The following CUEDC1 variants were observed in gnomAD, a reference collection of about 807,000 sequenced individuals.
The protein encoded by CUEDC1 is CUE domain-containing protein 1.
A neutral mutation model predicts 43.7 loss-of-function variants in CUEDC1; 30 were observed. The ratio of observed to expected loss-of-function variants is 0.69; its 90% CI spans 0.51 to 0.93. The LOEUF is 0.93. Ranked by LOEUF, CUEDC1 falls within the 40% of genes least tolerant of loss-of-function variation. The pLI, the probability that CUEDC1 is intolerant of heterozygous loss-of-function variation, is 0.00. For missense variants in CUEDC1, 486 were observed against 549.0 expected (o/e 0.89, Z 1.15); for synonymous variants, 223 against 223.6 (o/e 1.00, Z 0.02).
chr17:57,916,747 G>C (rs897241193), intron 1 of CUEDC1, among the ~76,000 whole-genome samples: 1 of 152,200 alleles, frequency 6.6e-6, no homozygotes, highest in African/African-American at 2.4e-5. Flanking sequence ...ACCAGTCCAA[G>C]CAAAAACTCC....
chr17:57,890,865 T>C (rs1033784430), intron 1 of CUEDC1, among the ~76,000 whole-genome samples: 2 of 152,220 alleles, frequency 1.3e-5, no homozygotes, highest in East Asian at 1.9e-4. Flanking sequence ...TGGGTGCACT[T>C]TGTGACCTTA....
chr17:57,880,439 C>T (rs1165986413), intron 2 of CUEDC1, among the ~76,000 whole-genome samples: 1 of 152,178 alleles, frequency 6.6e-6, no homozygotes, highest in African/African-American at 2.4e-5. Context: ...CTCCTTCAGG[C>T]ACACTGGCTG....
At chr17:57,918,729 G>A (rs1439665702) in intron 1 of CUEDC1, among the ~76,000 whole-genome samples, 1 of 152,230 alleles carries the variant, frequency 6.6e-6, no homozygotes, top group Non-Finnish European at 1.5e-5. Context: ...ACAACTGCCT[G>A]GGCTGGGTTT....
At chr17:57,866,683 C>T (rs1271266041) in intron 9 of CUEDC1, 139 bp from the exon 10 acceptor site, 12 of 746,076 alleles carry the variant, frequency 1.6e-5, no homozygotes, top group East Asian at 5.3e-5. Context: ...CCCAGGTAGA[C>T]GATGCATGGG....
chr17:57,928,968 C>A (rs1171839242), intron 1 of CUEDC1, among the ~76,000 whole-genome samples: 2 of 152,136 alleles, frequency 1.3e-5, no homozygotes, highest in Admixed American at 6.5e-5. Context: ...AAAAATAATT[C>A]ATTACGGCAG....
At position 57,927,134 on chromosome 17, in the gene CUEDC1, CCATTCTCACCGAG is replaced by C. The variant is rs1254689108; in HGVS notation, c.-316+28078_-316+28090del. On this transcript the variant is annotated intron_variant, in intron 1 of 10. Coordinates refer to ENST00000577830, the MANE Select transcript of CUEDC1 (RefSeq NM_001271875.2). The stretch of plus-strand genomic sequence containing the variant: ...ATGTTTAGAATCCTTTAACTCCCTG[CCATTCTCACCGAG>C]CGGCTGGGACAGAGAGTGGGGCTGT... 7.2e-5 allele frequency among the ~76,000 whole-genome samples: 11 copies of C among 152,264 alleles called. No individual in the cohort carries two copies. The South Asian group carries it at 2.3e-3, about 32-fold the overall frequency.
At chr17:57,886,444 G>C (rs2074291514) in intron 1 of CUEDC1, among the ~76,000 whole-genome samples, 3 of 152,218 alleles carry the variant, frequency 2.0e-5, no homozygotes, top group Admixed American at 6.5e-5. Flanking sequence ...CGAACCCCGG[G>C]GACAGCAGTG....
chr17:57,899,332 C>A (rs1003491497), intron 1 of CUEDC1, among the ~76,000 whole-genome samples: 2 of 152,206 alleles, frequency 1.3e-5, no homozygotes, highest in African/African-American at 4.8e-5. Context: ...GATCCCCTTG[C>A]ACAGTCAGGG....
chr17:57,948,987 C>G (rs1261252605), intron 1 of CUEDC1, among the ~76,000 whole-genome samples: 1 of 152,146 alleles, frequency 6.6e-6, no homozygotes, highest in Non-Finnish European at 1.5e-5. Flanking sequence ...ACCACACTGC[C>G]CAGTTCCTGC....
intron 1 of CUEDC1, among the ~76,000 whole-genome samples, chr17:57,895,946 C>A (rs924906552): frequency 4.6e-5 from 7 of 152,148 alleles, no homozygotes; most frequent in South Asian, 2.1e-4. Context: ...GGCTGAAGGC[C>A]CCCCCAGTAG....
chr17:57,942,623 A>C (rs768959075), intron 1 of CUEDC1, among the ~76,000 whole-genome samples: 17 of 151,956 alleles, frequency 1.1e-4, no homozygotes, highest in Non-Finnish European at 2.1e-4. Flanking sequence ...TCCTGACCTC[A>C]GGTGATCCAC....
At chr17:57,936,866 G>A (rs956199435) in intron 1 of CUEDC1, among the ~76,000 whole-genome samples, 7 of 136,346 alleles carry the variant, frequency 5.1e-5, no homozygotes, top group African/African-American at 1.4e-4. Context: ...GTATCACCAC[G>A]CTGGAGTACA....
intron 1 of CUEDC1, among the ~76,000 whole-genome samples, chr17:57,896,484 T>TGGGGGGGGG (rs370021887): frequency 3.9e-4 from 24 of 61,246 alleles, no homozygotes; most frequent in Non-Finnish European, 7.5e-4. Context: ...TAGTGCATTA[T>TGGGGGGGGG]GGGGTGTGTG....
intron 3 of CUEDC1, among the ~76,000 whole-genome samples, chr17:57,877,159 A>G (rs1315963207): frequency 6.6e-6 from 1 of 152,206 alleles, no homozygotes; most frequent in African/African-American, 2.4e-5. Context: ...CAGAACCTCA[A>G]GCAAGAGCAG....
chr17:57,924,762 C>A (rs576612343), intron 1 of CUEDC1, among the ~76,000 whole-genome samples: 12 of 152,376 alleles, frequency 7.9e-5, no homozygotes, highest in Non-Finnish European at 1.6e-4. Flanking sequence ...ATCAAGGCCC[C>A]AGGCCTGTAC....
rs201399686 is a variant in CUEDC1 at position 57,894,009 on chromosome 17, CT to C, written c.-315-8131del. 7.7e-3 allele frequency among the ~76,000 whole-genome samples: 1,169 copies of C among 152,180 alleles called. 12 individuals carry two copies. The highest frequency in any genetic ancestry group is 0.027 in the African/African-American group (1,103 of 41,524). On this transcript the variant is annotated intron_variant, in intron 1 of 10. Coordinates refer to ENST00000577830, the MANE Select transcript of CUEDC1 (RefSeq NM_001271875.2). ...CTCGGGAGGCTGAGGCAGAGAATTG[CT>C]TGAACCTGGGAGGTGGAGGTTGCAG...
intron 1 of CUEDC1, among the ~76,000 whole-genome samples, chr17:57,890,679 C>A (rs1381922566): frequency 1.3e-5 from 2 of 152,232 alleles, no homozygotes; most frequent in Admixed American, 6.5e-5. Context: ...CCTCTCCTAG[C>A]ATAAGCACGC....
At chr17:57,952,888 G>C (rs1232178215) in intron 1 of CUEDC1, among the ~76,000 whole-genome samples, 1 of 152,080 alleles carries the variant, frequency 6.6e-6, no homozygotes, top group Non-Finnish European at 1.5e-5. Flanking sequence ...CAGATCCCTA[G>C]CAAGTGTAGA....
chr17:57,873,079 C>T (rs549409688), intron 4 of CUEDC1, among the ~76,000 whole-genome samples: 4 of 152,192 alleles, frequency 2.6e-5, no homozygotes, highest in South Asian at 2.1e-4. Context: ...TTTTCCCCCA[C>T]GCCACAGACC....
Sources: allele counts gnomAD v4.1 joint callset (sites outside exome capture counted in the v4.1 genomes callset), GRCh38; gene constraint gnomAD v4.1.1; transcripts MANE v1.5; gene names NCBI Gene and HGNC (gene_info 2026-07-23, HGNC 2026-07-21).